The following EPHA6 variants were observed in gnomAD, a reference collection of about 807,000 sequenced individuals.
The protein encoded by EPHA6 is EPH receptor A6, also known as ephrin type-A receptor 6.
A neutral mutation model predicts 112.0 loss-of-function variants in EPHA6; 50 were observed. The ratio of observed to expected loss-of-function variants is 0.45; its 90% CI spans 0.36 to 0.56. The LOEUF (loss-of-function observed/expected upper bound fraction) is 0.56. EPHA6 is among the 20% of genes least tolerant of loss of function. EPHA6 has a pLI of 0.00. For synonymous variants in EPHA6, 529 were observed against 490.7 expected, an observed-to-expected ratio of 1.08 and a Z score of -1.03; for missense variants, 1,280 against 1,417.4, an observed-to-expected ratio of 0.90 and a Z score of 1.56.
chr3:97,684,510 G>A (rs969361476), intron 14 of EPHA6, among the ~76,000 whole-genome samples: 7 of 152,194 alleles, frequency 4.6e-5, no homozygotes, highest in African/African-American at 1.7e-4. Flanking sequence ...TCAGAAAGCT[G>A]AGCTAGAGAT....
Position 97,405,242 on chromosome 3 carries a change from A to G in EPHA6, c.1699A>G (p.Ile567Val). The G allele has an allele frequency of 6.2e-7, 1 of 1,611,792 alleles. No individual in the cohort carries two copies. Reference sequence around the variant, plus strand: ...AGCACCTGCTTTTTCCAATGGAGCCATTCTGGACTACGAGATCAAGTACTA... The same window carrying G: ...AGCACCTGCTTTTTCCAATGGAGCCGTTCTGGACTACGAGATCAAGTACTA... The part of the protein sequence containing the change: ...WQAPAFSNGA[I>V]LDYEIKYYEK... Residue 567 changes from isoleucine to valine, a missense_variant, in exon 6 of 18, where the codon ATT becomes GTT. Ile to Val is a conservative substitution (Grantham distance 29). Transcript: ENST00000389672.
chr3:97,623,182 C>A (rs2093827798), intron 13 of EPHA6, among the ~76,000 whole-genome samples: 1 of 151,688 alleles, frequency 6.6e-6, no homozygotes. Flanking sequence ...ATTGCCAAAT[C>A]TAATGTTATG....
chr3:97,133,382 T>C (rs890803205), intron 3 of EPHA6, among the ~76,000 whole-genome samples: 1 of 152,084 alleles, frequency 6.6e-6, no homozygotes, highest in African/African-American at 2.4e-5. Context: ...AAAAGACTTA[T>C]AGCCAGATTT....
In EPHA6 at chr3:96,861,739, C is replaced by T. The variant is rs369121632; in HGVS notation, c.386-5086C>T. Among the ~76,000 whole-genome samples the T allele has an allele frequency of 8.4e-4, 128 of 151,952 alleles. 1 individual carries two copies. Among genetic ancestry groups the T allele is most frequent in the African/African-American group, 2.9e-3 (121 of 41,502 alleles). On this transcript the variant is annotated intron_variant, in intron 1 of 17. Coordinates refer to ENST00000389672, the MANE Select transcript of EPHA6 (RefSeq NM_001080448.3). ...CAAAAACCACAAAAAATAAGAATAA[C>T]CACCACAACAAAACAAAATGCTGTA...
chr3:97,168,239 T>C (rs1015060228), intron 3 of EPHA6, among the ~76,000 whole-genome samples: 1 of 152,194 alleles, frequency 6.6e-6, no homozygotes, highest in Non-Finnish European at 1.5e-5. Context: ...CACCTGCTTT[T>C]TCATTCTCAA....
intron 6 of EPHA6, 23 bp downstream of exon 6, chr3:97,405,297 T>C: frequency 1.3e-6 from 2 of 1,597,768 alleles, no homozygotes; most frequent in Non-Finnish European, 1.7e-6. Context: ...TGGAGCTTCC[T>C]ATAAAACTAC....
intron 15 of EPHA6, among the ~76,000 whole-genome samples, chr3:97,723,691 G>A (rs1162284088): frequency 1.4e-5 from 2 of 147,926 alleles, no homozygotes; most frequent in Non-Finnish European, 3.0e-5. Flanking sequence ...AAAAGAGGAT[G>A]GAGGCCTGGG....
rs75060774 is a variant in EPHA6, at chr3:97,034,749, C to G, written c.1114+46756C>G. On this transcript the variant is annotated intron_variant, in intron 3 of 17. Coordinates refer to ENST00000389672, the MANE Select transcript of EPHA6 (RefSeq NM_001080448.3). ...ACTGAAATGGTTATGTGCACACACA[C>G]ACATACACATACAGAGTACTGTTTC... Among the ~76,000 whole-genome samples the G allele has an allele frequency of 4.5e-3, 679 of 152,060 alleles. 6 individuals are homozygous for G. The highest frequency in any genetic ancestry group is 0.016 in the African/African-American group (654 of 41,532).
chr3:97,238,596 T>C (rs1052134703), intron 4 of EPHA6, among the ~76,000 whole-genome samples: 11 of 151,950 alleles, frequency 7.2e-5, no homozygotes, highest in African/African-American at 2.4e-4. Context: ...AGGGTTATTG[T>C]GATGATTGAG....
At chr3:97,442,988 T>C (rs2090190801) in intron 6 of EPHA6, among the ~76,000 whole-genome samples, 1 of 152,166 alleles carries the variant, frequency 6.6e-6, no homozygotes, top group Non-Finnish European at 1.5e-5. Flanking sequence ...GATTTTTTGA[T>C]AGCCTTTCTA....
chr3:97,018,863 C>T (rs528971655), intron 3 of EPHA6, among the ~76,000 whole-genome samples: 10 of 152,274 alleles, frequency 6.6e-5, no homozygotes, highest in Admixed American at 3.9e-4. Context: ...TTCCTTGACA[C>T]GCTACCCTTA....
chr3:97,562,213 A>G (rs996746678), intron 11 of EPHA6, among the ~76,000 whole-genome samples: 1 of 152,180 alleles, frequency 6.6e-6, no homozygotes, highest in African/African-American at 2.4e-5. Context: ...ACTACATTTC[A>G]TAAAGCTATA....
At chr3:97,352,176 T>C (rs1328840000) in intron 5 of EPHA6, among the ~76,000 whole-genome samples, 1 of 152,132 alleles carries the variant, frequency 6.6e-6, no homozygotes, top group African/African-American at 2.4e-5. Flanking sequence ...TTTTTAATGA[T>C]TGGTGCCTCA....
intron 3 of EPHA6, among the ~76,000 whole-genome samples, chr3:97,161,077 G>A (rs1576594213): frequency 6.6e-6 from 1 of 152,106 alleles, no homozygotes; most frequent in Admixed American, 6.6e-5. Flanking sequence ...GCTGGATAAC[G>A]TATTTACTAC....
intron 5 of EPHA6, among the ~76,000 whole-genome samples, chr3:97,258,089 A>AT (rs1262100773): frequency 6.6e-6 from 1 of 152,078 alleles, no homozygotes; most frequent in African/African-American, 2.4e-5. Context: ...ATCACAGTGC[A>AT]TAACTATACT....
chr3:97,085,377 T>A (rs1397321684), intron 3 of EPHA6, among the ~76,000 whole-genome samples: 1 of 152,096 alleles, frequency 6.6e-6, no homozygotes, highest in Non-Finnish European at 1.5e-5. Context: ...TGAATCATAA[T>A]ATCAAACTTG....
At chr3:97,084,818 G>T (rs553150187) in intron 3 of EPHA6, among the ~76,000 whole-genome samples, 1 of 151,890 alleles carries the variant, frequency 6.6e-6, no homozygotes, top group Non-Finnish European at 1.5e-5. Flanking sequence ...TAAAATGGCC[G>T]TACTACCCAA....
chr3:97,559,453 CTCT>C, intron 11 of EPHA6: 1 of 308,212 alleles, frequency 3.2e-6, no homozygotes, highest in South Asian at 2.7e-5. Flanking sequence ...TTGGGAGCCA[CTCT>C]TCTAGAAACA....
intron 5 of EPHA6, among the ~76,000 whole-genome samples, chr3:97,388,833 C>A (rs1577202053): frequency 6.6e-6 from 1 of 152,082 alleles, no homozygotes; most frequent in African/African-American, 2.4e-5. Flanking sequence ...GTAGGACAAC[C>A]AAGAATGCAG....
Sources: gnomAD v4.1 joint callset for allele counts (sites outside exome capture counted in the v4.1 genomes callset) on GRCh38, gnomAD v4.1.1 for gene constraint, MANE v1.5 for transcripts, NCBI Gene and HGNC (gene_info 2026-07-23, HGNC 2026-07-21) for gene names.